DGCR8: variants seen among roughly 807,000 people sequenced by gnomAD.
The protein encoded by DGCR8 is microprocessor complex subunit DGCR8.
A neutral mutation model predicts 78.5 loss-of-function variants in DGCR8; 14 were observed. The ratio of observed to expected loss-of-function variants is 0.18; its 90% CI spans 0.12 to 0.28. The LOEUF (loss-of-function observed/expected upper bound fraction) is 0.28, where lower values mean the gene tolerates loss of function less well. DGCR8 is among the 10% of genes least tolerant of loss of function. DGCR8 has a pLI of 1.00. For missense variants in DGCR8, 702 were observed against 1,022.5 expected, an observed-to-expected ratio of 0.69 and a Z score of 4.28; for synonymous variants, 399 against 402.4, an observed-to-expected ratio of 0.99 and a Z score of 0.10.
chr22:20,097,909 A>G (rs1602489622), intron 9 of DGCR8, among the ~76,000 whole-genome samples: 1 of 150,306 alleles, frequency 6.7e-6, no homozygotes, highest in East Asian at 1.9e-4. Flanking sequence ...CGGGCAGATC[A>G]CAAGGTCAAG....
At chr22:20,082,482 C>G (rs947625442) in intron 1 of DGCR8, among the ~76,000 whole-genome samples, 4 of 152,168 alleles carry the variant, frequency 2.6e-5, no homozygotes, top group African/African-American at 9.7e-5. Flanking sequence ...ATTCTCCTGC[C>G]TCAGCCTCCC....
At chr22:20,092,448 A>G (rs1322587732) in intron 7 of DGCR8, among the ~76,000 whole-genome samples, 1 of 151,982 alleles carries the variant, frequency 6.6e-6, no homozygotes, top group African/African-American at 2.4e-5. Flanking sequence ...TCATCCTTTG[A>G]GGTGGTGTTT....
At chr22:20,081,883 C>T (rs931571986) in intron 1 of DGCR8, among the ~76,000 whole-genome samples, 2 of 152,068 alleles carry the variant, frequency 1.3e-5, no homozygotes, top group Non-Finnish European at 2.9e-5. Flanking sequence ...AAGGAGGCCC[C>T]GTCAGCTCAC....
Position 20,080,372 on chromosome 22 carries a change from C to G in DGCR8, c.-289C>G. ...GGCTGCGGGCGGCTTGGGCAGCCCG[C>G]GGGCGCCTCAGGTAGGTGCGGGGCG... On this transcript the variant is annotated 5_prime_UTR_variant, in exon 1 of 14. Coordinates refer to ENST00000351989, the MANE Select transcript of DGCR8 (RefSeq NM_022720.7). 1 of 969,178 alleles carries G rather than the reference C, an allele frequency of 1.0e-6. No individual in the cohort carries two copies. The highest frequency in any genetic ancestry group is 1.2e-6 in the Non-Finnish European group (1 of 823,422). 60.0% of individuals were successfully genotyped at this position (969,178 alleles called of 1,614,324 possible). A position where few individuals can be genotyped will look rare whatever the true frequency, so the allele number is the denominator to read the frequency against.
chr22:20,088,076 A>C (rs2049509728), intron 3 of DGCR8, among the ~76,000 whole-genome samples: 1 of 152,122 alleles, frequency 6.6e-6, no homozygotes, highest in South Asian at 2.1e-4. Flanking sequence ...GCTGGGGTGC[A>C]CAAGGTGGCA....
At chr22:20,098,901 A>G (rs115179745) in intron 9 of DGCR8, among the ~76,000 whole-genome samples, 97 of 152,378 alleles carry the variant, frequency 6.4e-4, no homozygotes, top group African/African-American at 2.3e-3. Flanking sequence ...AGGGACTTCA[A>G]CATGTAAATT....
Position 20,085,596 on chromosome 22 carries a change from A to G in DGCR8, c.-277-91A>G, listed in dbSNP as rs2049472216. 1.9e-6 allele frequency: 2 copies of G among 1,042,250 alleles called. No individual in the cohort carries two copies. Among genetic ancestry groups the G allele is most frequent in the Middle Eastern group, 3.5e-4 (1 of 2,866 alleles). The allele number at this position is 1,042,250 out of a possible 1,614,324, so 64.6% of individuals were successfully genotyped here. A position where few individuals can be genotyped will look rare whatever the true frequency, so the allele number is the denominator to read the frequency against. On this transcript the variant is annotated intron_variant, in intron 1 of 13. Transcript: ENST00000351989. This position sits in a 1 kb window ranked among gnomAD's most constrained non-coding sequence, Gnocchi z 6.2. ...GAATATTATTTTGAAGCCCTTTACTATGCTGTTAATAGTGCTTGGCTTTTA... is the reference window on the plus strand; with the variant it reads ...GAATATTATTTTGAAGCCCTTTACTGTGCTGTTAATAGTGCTTGGCTTTTA...
At chr22:20,098,742 C>G (rs1001019617) in intron 9 of DGCR8, among the ~76,000 whole-genome samples, 2 of 152,264 alleles carry the variant, frequency 1.3e-5, no homozygotes, top group Middle Eastern at 3.4e-3. Flanking sequence ...ATCTCCATGT[C>G]CATGCCTTTC....
chr22:20,104,859 G>GCTGCCCT (rs141396584), intron 9 of DGCR8, among the ~76,000 whole-genome samples: 2 of 152,132 alleles, frequency 1.3e-5, no homozygotes, highest in Admixed American at 6.5e-5. Context: ...GGGCAGAGGA[G>GCTGCCCT]CTGCCCACTG....
intron 9 of DGCR8, chr22:20,101,933 T>C (rs1191120009): frequency 1.0e-6 from 1 of 985,252 alleles, no homozygotes; most frequent in Non-Finnish European, 1.2e-6. Context: ...GCCACGCGTG[T>C]ATGCTACTTG....
intron 3 of DGCR8, among the ~76,000 whole-genome samples, chr22:20,088,658 C>T (rs922428065): frequency 6.6e-6 from 1 of 152,238 alleles, no homozygotes; most frequent in African/African-American, 2.4e-5. Flanking sequence ...TTAACACTCC[C>T]TCCCTGAATC....
At position 20,111,808 on chromosome 22, in the gene DGCR8, G is replaced by A. The variant is rs3757; in HGVS notation, c.*1700G>A. The A allele has an allele frequency of 0.21, 43,411 of 204,996 alleles. 5,275 individuals carry two copies. Among genetic ancestry groups the A allele is most frequent in the Middle Eastern group, 0.32 (176 of 552 alleles). The allele number at this position is 204,996 out of a possible 1,614,324, so 12.7% of individuals were successfully genotyped here. A position where few individuals can be genotyped will look rare whatever the true frequency, so the allele number is the denominator to read the frequency against. On this transcript the variant is annotated 3_prime_UTR_variant, in exon 14 of 14. Coordinates refer to ENST00000351989, the MANE Select transcript of DGCR8 (RefSeq NM_022720.7). ...GGGAGCCTGTGCTGATGCCATCCAG[G>A]GCACTGGGCTGTGCCTGGAAGGCGA...
rs746297935 is a variant in DGCR8, at chr22:20,106,633, T to C, written c.1931T>C (p.Val644Ala). 4 of 1,613,932 alleles carry C rather than the reference T, an allele frequency of 2.5e-6. No homozygotes were observed. The African/African-American group carries it at 5.3e-5, about 22-fold the overall frequency. ...MGDTSIKFEV[V>A]PGKNQKSEYV... is the part of the protein sequence containing the mutation. ...GACACGTCTATCAAGTTTGAAGTGG[T>C]TCCTGGGAAAAACCAGAAGAGTGAA... Residue 644 changes from valine (V) to alanine (A), a missense_variant, in exon 11 of 14, where the codon GTT (valine) becomes GCT (alanine). This residue lies in a region of DGCR8 where 225 missense variants were observed against 427.7 expected (regional missense o/e 0.53). Coordinates refer to ENST00000351989, the MANE Select transcript of DGCR8 (RefSeq NM_022720.7).
intron 5 of DGCR8, among the ~76,000 whole-genome samples, chr22:20,090,648 C>G (rs1308715375): frequency 1.3e-5 from 2 of 152,224 alleles, no homozygotes; most frequent in Non-Finnish European, 2.9e-5. Context: ...ATCCATGACT[C>G]AGTGTTGGGA....
At chr22:20,100,987 A>G (rs1381051974) in intron 9 of DGCR8, among the ~76,000 whole-genome samples, 1 of 152,178 alleles carries the variant, frequency 6.6e-6, no homozygotes, top group South Asian at 2.1e-4. Flanking sequence ...AACTCAGGAA[A>G]AATTTTACTT....
rs2049567608 is a variant in DGCR8, at chr22:20,091,852, G to A, written c.1505-17G>A. ...GGCACTGCTTCACACTTGCTGAGAT[G>A]GTTCTTTTTGTCACAGAGTTTGTTA... On this transcript the variant is annotated splice_polypyrimidine_tract_variant and intron_variant, in intron 6 of 13. Transcript: ENST00000351989. 2 of 1,611,736 alleles carry A rather than the reference G, an allele frequency of 1.2e-6. No individual in the cohort carries two copies. The highest frequency in any genetic ancestry group is 1.7e-6 in the Non-Finnish European group (2 of 1,178,046).
At chr22:20,094,889 T>C (rs2147927157) in intron 9 of DGCR8, 94 bp downstream of exon 9, 1 of 1,086,770 alleles carries the variant, frequency 9.2e-7, no homozygotes, top group Non-Finnish European at 1.4e-6. Flanking sequence ...TGGGCTGTGC[T>C]CATGCCTTCC....
chr22:20,086,720 A>C lies in DGCR8; in HGVS notation c.720+37A>C, dbSNP rs1256825175. 6.5e-7 allele frequency: 1 copy of C among 1,542,428 alleles called. No individual in the cohort carries two copies. The highest frequency in any genetic ancestry group is 8.7e-7 in the Non-Finnish European group (1 of 1,152,906). On this transcript the variant is annotated intron_variant, in intron 2 of 13. Transcript: ENST00000351989. The surrounding 1 kb of genome is among the most constrained non-coding windows in gnomAD (Gnocchi z 6.4). ...GCCCCTCCTCTAGAGGGCTCTTAGCAAAACCCAAAGAGAGATTTGGGAATT... is the reference window on the plus strand; with the variant it reads ...GCCCCTCCTCTAGAGGGCTCTTAGCCAAACCCAAAGAGAGATTTGGGAATT...
intron 7 of DGCR8, 117 bp from the exon 8 acceptor site, chr22:20,092,692 C>G (rs552295364): frequency 3.7e-6 from 3 of 819,844 alleles, no homozygotes; most frequent in Non-Finnish European, 5.9e-6. Flanking sequence ...CAAGCACAGG[C>G]CCACTCTCTG....
Sources: gnomAD v4.1 joint callset for allele counts (sites outside exome capture counted in the v4.1 genomes callset) on GRCh38, gnomAD v4.1.1 for gene constraint, gnomAD v4.1.1 regional missense constraint, Gnocchi (gnomAD v3.1) non-coding constraint, MANE v1.5 for transcripts, NCBI Gene and HGNC (gene_info 2026-07-23, HGNC 2026-07-21) for gene names.